Variants in HSD17B11 observed in about 807,000 individuals in gnomAD.
HSD17B11 encodes the protein hydroxysteroid 17-beta dehydrogenase 11, also known as estradiol 17-beta-dehydrogenase 11.
HSD17B11 carries 22 observed loss-of-function variants against 27.8 expected under a neutral mutation model. That is an observed-to-expected ratio of 0.79 (90% CI 0.56 to 1.13). HSD17B11 has a LOEUF of 1.13. Ranked by LOEUF, HSD17B11 falls within the 50% of genes most tolerant of loss-of-function variation. The probability of loss-of-function intolerance (pLI) is 0.00; values close to 1 mark genes in which losing one functional copy is unlikely to be tolerated. For synonymous variants in HSD17B11, 117 were observed against 132.8 expected, an observed-to-expected ratio of 0.88 and a Z score of 0.82; for missense variants, 314 against 351.1, an observed-to-expected ratio of 0.89 and a Z score of 0.84.
intron 2 of HSD17B11, among the ~76,000 whole-genome samples, chr4:87,380,862 TCAAAAAAAAAAAA>T (rs1443167088): frequency 1.3e-4 from 4 of 31,924 alleles, no homozygotes; most frequent in Admixed American, 9.4e-4. Context: ...AGACTCTATC[TCAAAAAAAAAAAA>T]AAAAAAAAAA....
intron 1 of HSD17B11, among the ~76,000 whole-genome samples, chr4:87,389,231 T>C (rs752624644): frequency 6.6e-6 from 1 of 152,168 alleles, no homozygotes; most frequent in Non-Finnish European, 1.5e-5. Context: ...AATTAATTTA[T>C]TTATTTTTAA....
At chr4:87,379,808 GTAT>G (rs1210028167) in intron 2 of HSD17B11, among the ~76,000 whole-genome samples, 2 of 142,348 alleles carry the variant, frequency 1.4e-5, no homozygotes, top group Non-Finnish European at 3.0e-5. Context: ...ATATACTATA[GTAT>G]TATAGTATTA....
At chr4:87,380,482 A>AG (rs1274929712) in intron 2 of HSD17B11, among the ~76,000 whole-genome samples, 27 of 138,780 alleles carry the variant, frequency 1.9e-4, no homozygotes, top group African/African-American at 5.4e-4. Flanking sequence ...AAAAAAAAAA[A>AG]AAAAAAGAAA....
chr4:87,342,996 T>C (rs1029051418), intron 5 of HSD17B11, among the ~76,000 whole-genome samples: 1 of 152,218 alleles, frequency 6.6e-6, no homozygotes, highest in African/African-American at 2.4e-5. Context: ...TTGTAGCACA[T>C]TGCTACCAGA....
chr4:87,381,020 TACAAAAAC>T (rs2110131529), intron 2 of HSD17B11, among the ~76,000 whole-genome samples: 1 of 150,444 alleles, frequency 6.6e-6, no homozygotes, highest in African/African-American at 2.4e-5. Context: ...ACCCCATCTC[TACAAAAAC>T]ACAAAAATTA....
At position 87,390,986 on chromosome 4, in the gene HSD17B11, T is replaced by A. The variant is rs757904483; in HGVS notation, c.85A>T (p.Lys29Ter). Residue 29 changes from lysine to a stop codon, truncating the protein, a stop_gained, in exon 1 of 7, where the codon AAG becomes TAG. Transcript: ENST00000358290. LOFTEE classifies it high-confidence loss of function. Reference sequence around the variant, plus strand: ...TCGCCGGTGACTGATTTTCTCCTCTTAGGAATAAAAAGCTTCACGAAGGAC... The same window carrying A: ...TCGCCGGTGACTGATTTTCTCCTCTAAGGAATAAAAAGCTTCACGAAGGAC... ...LESFVKLFIP[K>*]RRKSVTGEIV... 8 of 1,614,110 alleles carry A rather than the reference T, an allele frequency of 5.0e-6. No individual in the cohort carries two copies. Among genetic ancestry groups the A allele is most frequent in the Non-Finnish European group, 6.8e-6 (8 of 1,180,010 alleles).
intron 5 of HSD17B11, among the ~76,000 whole-genome samples, chr4:87,354,548 G>A (rs967574246): frequency 3.3e-5 from 5 of 151,696 alleles, no homozygotes; most frequent in African/African-American, 9.7e-5. Flanking sequence ...GGAGGCTGAT[G>A]TGGGAGAATA....
chr4:87,339,656 A>C (rs1735127509), intron 6 of HSD17B11, among the ~76,000 whole-genome samples: 1 of 152,148 alleles, frequency 6.6e-6, no homozygotes, highest in African/African-American at 2.4e-5. Flanking sequence ...CAGCTTTCCC[A>C]GATGAGGAAT....
chr4:87,357,441 A>C, intron 4 of HSD17B11, 25 bp from the exon 5 acceptor site: 4 of 1,600,138 alleles, frequency 2.5e-6, no homozygotes, highest in Non-Finnish European at 3.4e-6. Flanking sequence ...TTTACAAAAT[A>C]ATTCAAGAAT....
intron 2 of HSD17B11, among the ~76,000 whole-genome samples, chr4:87,378,138 T>C (rs947439277): frequency 6.6e-6 from 1 of 152,320 alleles, no homozygotes; most frequent in East Asian, 1.9e-4. Context: ...GGCTCTTCAG[T>C]CAGAATTGAA....
chr4:87,364,305 T>C (rs1168489042), intron 4 of HSD17B11, among the ~76,000 whole-genome samples: 2 of 151,940 alleles, frequency 1.3e-5, no homozygotes, highest in Non-Finnish European at 2.9e-5. Context: ...ACCCCTCTGT[T>C]TTCCTCATGA....
rs1326001282 is a variant in HSD17B11 at position 87,370,816 on chromosome 4, G to A, written c.557+1893C>T. On this transcript the variant is annotated intron_variant, in intron 4 of 6. Transcript: ENST00000358290. Reference sequence around the variant, plus strand: ...CGCCCAGGCTGGAGTGTAGTGGCGCGATCTCGGCTCACTGCAAGCTCCGCC... The same window carrying A: ...CGCCCAGGCTGGAGTGTAGTGGCGCAATCTCGGCTCACTGCAAGCTCCGCC... 6.9e-4 allele frequency among the ~76,000 whole-genome samples: 69 copies of A among 99,306 alleles called. 2 individuals are homozygous for A. In the East Asian group the frequency reaches 0.013, roughly 19 times the overall value. 65.1% of individuals were successfully genotyped at this position (99,306 alleles called of 152,430 possible).
chr4:87,375,286 A>AT, intron 2 of HSD17B11, among the ~76,000 whole-genome samples: 1 of 152,230 alleles, frequency 6.6e-6, no homozygotes, highest in Non-Finnish European at 1.5e-5. Flanking sequence ...AATCCTTTTT[A>AT]TTTTATGCAC....
intron 4 of HSD17B11, among the ~76,000 whole-genome samples, chr4:87,358,895 C>T (rs765778496): frequency 4.6e-5 from 7 of 152,026 alleles, no homozygotes; most frequent in Admixed American, 3.9e-4. Flanking sequence ...AATTGTAATC[C>T]GAATTGTAAT....
At chr4:87,361,235 GC>G (rs1024057075) in intron 4 of HSD17B11, among the ~76,000 whole-genome samples, 48 of 152,130 alleles carry the variant, frequency 3.2e-4, no homozygotes, top group Admixed American at 2.9e-3. Context: ...AACCAAAATG[GC>G]CACAAAAGTG....
intron 4 of HSD17B11, among the ~76,000 whole-genome samples, chr4:87,367,719 T>C (rs1403710595): frequency 6.6e-6 from 1 of 152,230 alleles, no homozygotes; most frequent in Non-Finnish European, 1.5e-5. Flanking sequence ...AGGCTAACCC[T>C]GTTTATTCCT....
chr4:87,355,462 A>G lies in HSD17B11; in HGVS notation c.695+1817T>C, dbSNP rs186588540. Among the ~76,000 whole-genome samples, 60 of 152,272 alleles carry G rather than the reference A, an allele frequency of 3.9e-4. 2 individuals are homozygous for G. The East Asian group carries it at 0.011, about 28-fold the overall frequency. ...TAAAGTCCATGAGAAAAAAATCCCT[A>G]AGAAAATTTTAATGTAAAACTAAAT... On this transcript the variant is annotated intron_variant, in intron 5 of 6. Coordinates refer to ENST00000358290, the MANE Select transcript of HSD17B11 (RefSeq NM_016245.5).
chr4:87,388,594 C>A (rs1720377017), intron 1 of HSD17B11, among the ~76,000 whole-genome samples: 1 of 152,232 alleles, frequency 6.6e-6, no homozygotes, highest in Non-Finnish European at 1.5e-5. Flanking sequence ...TCCCCTCCTA[C>A]CCTCCCCACC....
chr4:87,360,626 G>GT (rs200146142), intron 4 of HSD17B11, among the ~76,000 whole-genome samples: 75 of 152,114 alleles, frequency 4.9e-4, no homozygotes, highest in African/African-American at 1.6e-3. Flanking sequence ...TTGAAGTGAT[G>GT]TTTTTTTTCC....
Sources: gnomAD v4.1 joint callset for allele counts (sites outside exome capture counted in the v4.1 genomes callset) on GRCh38, gnomAD v4.1.1 for gene constraint, MANE v1.5 for transcripts, NCBI Gene and HGNC (gene_info 2026-07-23, HGNC 2026-07-21) for gene names.